Variants in METTL6 observed in about 807,000 individuals in gnomAD.
The protein encoded by METTL6 is methyltransferase 6, tRNA N3-cytidine.
A neutral mutation model predicts 26.4 loss-of-function variants in METTL6; 22 were observed. That is an observed-to-expected ratio of 0.83 (90% CI 0.59 to 1.19). The LOEUF is 1.19. Among genes scored for constraint, METTL6 ranks in the 50% most tolerant of loss-of-function variants. METTL6 has a pLI of 0.00. For synonymous variants in METTL6, 109 were observed against 116.2 expected, an observed-to-expected ratio of 0.94 and a Z score of 0.40; for missense variants, 304 against 324.8, an observed-to-expected ratio of 0.94 and a Z score of 0.49.
downstream of METTL6, among the ~76,000 whole-genome samples, chr3:15,406,646 A>AGC (rs1188507547): frequency 2.8e-5 from 4 of 140,806 alleles, no homozygotes; most frequent in African/African-American, 1.1e-4. Flanking sequence ...AGAGAGAGAG[A>AGC]GAGAGAGAGA....
At chr3:15,409,397 TA>T (rs1331015981), downstream of METTL6, among the ~76,000 whole-genome samples, 3 of 152,180 alleles carry the variant, frequency 2.0e-5, no homozygotes, top group South Asian at 2.1e-4. Context: ...ACCTGGATTT[TA>T]CTTCATAAAG....
Position 15,415,890 on chromosome 3 carries a change from G to C in METTL6, c.413C>G (p.Thr138Ser). The change falls in exon 4 of 6, where the codon ACT (threonine) becomes AGT (serine). Residue 138 changes from threonine (T) to serine (S), a missense_variant. Physicochemically the swap from Thr to Ser is moderately conservative, Grantham distance 58. Transcript: ENST00000383790. Reference protein sequence around the residue: ...ERCKVFQCDLTKDDLLDHVPP... With the variant: ...ERCKVFQCDLSKDDLLDHVPP... ...TACATGATCCAGAAGATCATCTTTAGTCAGATCACACTGGAATACCTTGCA... is the reference window on the plus strand; with the variant it reads ...TACATGATCCAGAAGATCATCTTTACTCAGATCACACTGGAATACCTTGCA... The C allele has an allele frequency of 1.2e-6, 2 of 1,614,086 alleles. No homozygotes were observed. Among genetic ancestry groups the C allele is most frequent in the Non-Finnish European group, 1.7e-6 (2 of 1,180,010 alleles).
chr3:15,398,561 T>C (rs1261212567), intron 6 of METTL6, among the ~76,000 whole-genome samples: 1 of 152,038 alleles, frequency 6.6e-6, no homozygotes, highest in Non-Finnish European at 1.5e-5. Context: ...ACAATAAGAG[T>C]TCCAGGCCAG....
chr3:15,417,744 CTCAT>C (rs929543969), intron 3 of METTL6, among the ~76,000 whole-genome samples: 3 of 152,222 alleles, frequency 2.0e-5, no homozygotes, highest in African/African-American at 7.2e-5. Flanking sequence ...GAAAAAATTT[CTCAT>C]TCAATTTACT....
chr3:15,391,966 C>T (rs2124904880), intron 6 of METTL6, among the ~76,000 whole-genome samples: 1 of 152,210 alleles, frequency 6.6e-6, no homozygotes, highest in East Asian at 1.9e-4. Context: ...CATACATGTG[C>T]ATGTGTCTTT....
chr3:15,425,174 G>A, intron 2 of METTL6, 85 bp from the exon 3 acceptor site: 3 of 1,453,442 alleles, frequency 2.1e-6, no homozygotes, highest in Non-Finnish European at 2.8e-6. Flanking sequence ...GAATATGAGA[G>A]GTCTCCGACC....
Position 15,411,023 on chromosome 3 carries a change from G to A in METTL6, c.*233C>T, listed in dbSNP as rs1699941999. 1 of 409,772 alleles carries A rather than the reference G, an allele frequency of 2.4e-6. No individual in the cohort carries two copies. The highest frequency in any genetic ancestry group is 4.2e-5 in the Admixed American group (1 of 23,694). The allele number at this position is 409,772 out of a possible 1,614,324, so 25.4% of individuals were successfully genotyped here. ...TTCTCTTGCCTCAGCCTCCTGAGTA[G>A]CTGGGATTACAGGCACTCGCCACTA... On this transcript the variant is annotated 3_prime_UTR_variant, in exon 6 of 6. Coordinates refer to ENST00000383790, the MANE Select transcript of METTL6 (RefSeq NM_152396.4).
Position 15,411,198 on chromosome 3 carries a change from A to C in METTL6, c.*58T>G. On this transcript the variant is annotated 3_prime_UTR_variant, in exon 6 of 6. Coordinates refer to ENST00000383790, the MANE Select transcript of METTL6 (RefSeq NM_152396.4). ...GCATGAGCCACCGCACCCAGACGAAAGAGTGATTTTAAATTTTCCTCTTCA... is the reference window on the plus strand; with the variant it reads ...GCATGAGCCACCGCACCCAGACGAACGAGTGATTTTAAATTTTCCTCTTCA... 6.4e-7 allele frequency: 1 copy of C among 1,558,450 alleles called. No individual in the cohort carries two copies. The highest frequency in any genetic ancestry group is 8.7e-7 in the Non-Finnish European group (1 of 1,150,660).
At chr3:15,415,741 A>T (rs757227770) in intron 4 of METTL6, 31 bp downstream of exon 4, 2 of 1,608,692 alleles carry the variant, frequency 1.2e-6, no homozygotes, top group Non-Finnish European at 8.5e-7. Context: ...CAGACTGTCC[A>T]ACCCTCAAGT....
intron 4 of METTL6, chr3:15,414,788 T>G (rs1044642595): frequency 1.8e-5 from 8 of 451,566 alleles, no homozygotes; most frequent in African/African-American, 1.2e-4. Flanking sequence ...CTGGATCTGG[T>G]AGTGCGTCCT....
Position 15,393,624 on chromosome 3 carries a change from G to T in METTL6, c.*12-9437C>A, listed in dbSNP as rs1280181882. 3.3e-5 allele frequency among the ~76,000 whole-genome samples: 5 copies of T among 152,138 alleles called. No homozygotes were observed. In the East Asian group the frequency reaches 5.8e-4, roughly 18 times the overall value. ...TTTTTGCTCATTCAGTATGATATTG[G>T]CTGTGGGTTTGTCATAAATAGCTCT... On this transcript the variant is annotated intron_variant, in intron 6 of 6. Transcript: ENST00000443029.
chr3:15,385,048 A>C (rs1240910153), intron 6 of METTL6, among the ~76,000 whole-genome samples: 4 of 152,216 alleles, frequency 2.6e-5, no homozygotes, highest in East Asian at 3.8e-4. Flanking sequence ...TCTTCAGAGA[A>C]TGAATCTTCA....
chr3:15,414,685 C>T, intron 4 of METTL6: 2 of 326,478 alleles, frequency 6.1e-6, no homozygotes, highest in South Asian at 4.5e-5. Context: ...TCCAAGAGCA[C>T]CCTGGAATGT....
chr3:15,402,609 C>T (rs1412722968), intron 6 of METTL6, among the ~76,000 whole-genome samples: 2 of 151,938 alleles, frequency 1.3e-5, no homozygotes, highest in East Asian at 3.9e-4. Context: ...TGGCACACAC[C>T]TGTAATCCCA....
At chr3:15,422,141 C>T (rs150239379) in intron 3 of METTL6, among the ~76,000 whole-genome samples, 148 of 151,064 alleles carry the variant, frequency 9.8e-4, no homozygotes, top group Non-Finnish European at 1.8e-3. Context: ...GCCTAGGCAA[C>T]GTAGTGAGAC....
chr3:15,412,385 T>C (rs1352392188), intron 5 of METTL6, among the ~76,000 whole-genome samples: 1 of 152,266 alleles, frequency 6.6e-6, no homozygotes, highest in Admixed American at 6.5e-5. Context: ...ACTCTGCAGA[T>C]ATCACTGAAT....
chr3:15,423,396 A>C (rs958005574), intron 3 of METTL6, among the ~76,000 whole-genome samples: 5 of 152,234 alleles, frequency 3.3e-5, no homozygotes, highest in African/African-American at 1.2e-4. Context: ...CCGTCTCAAA[A>C]AATAAACTAA....
At chr3:15,412,759 T>G (rs1700026630) in intron 5 of METTL6, among the ~76,000 whole-genome samples, 1 of 152,068 alleles carries the variant, frequency 6.6e-6, no homozygotes, top group African/African-American at 2.4e-5. Flanking sequence ...CAAATAATTT[T>G]GCAGCTTTAA....
intron 6 of METTL6, among the ~76,000 whole-genome samples, chr3:15,390,700 T>C (rs778506192): frequency 2.0e-5 from 3 of 152,164 alleles, no homozygotes; most frequent in Non-Finnish European, 2.9e-5. Context: ...CCAATGCTGT[T>C]TCAGCTCTTC....
Sources: gnomAD v4.1 joint callset for allele counts (sites outside exome capture counted in the v4.1 genomes callset) on GRCh38, gnomAD v4.1.1 for gene constraint, MANE v1.5 for transcripts, NCBI Gene and HGNC (gene_info 2026-07-23, HGNC 2026-07-21) for gene names.